Variants in CCDC39 observed in about 807,000 individuals in gnomAD.
CCDC39 encodes the protein coiled-coil domain 39 molecular ruler complex subunit.
CCDC39 carries 113 observed loss-of-function variants against 121.0 expected under a neutral mutation model. That is an observed-to-expected ratio of 0.93 (90% confidence interval 0.80 to 1.09). CCDC39 has a LOEUF of 1.09. Ranked by LOEUF, CCDC39 falls within the 50% of genes least tolerant of loss-of-function variation. The pLI is 0.00. For missense variants in CCDC39, 1,063 were observed against 1,074.7 expected, an observed-to-expected ratio of 0.99 and a Z score of 0.15; for synonymous variants, 349 against 352.2, an observed-to-expected ratio of 0.99 and a Z score of 0.10.
At chr3:180,669,102 T>C (rs1461164423) in intron 1 of CCDC39, among the ~76,000 whole-genome samples, 1 of 152,224 alleles carries the variant, frequency 6.6e-6, no homozygotes, top group African/African-American at 2.4e-5. Flanking sequence ...AATAGACCAT[T>C]CATTAAATAG....
Position 180,644,268 on chromosome 3 carries a change from G to T in CCDC39, c.1528-11C>A. Reference sequence around the variant, plus strand: ...AAAATAAAGATCATTCTGCAAAAAAGAAAAAAGGTATATAAATGTATGTTT... The same window carrying T: ...AAAATAAAGATCATTCTGCAAAAAATAAAAAAGGTATATAAATGTATGTTT... On this transcript the variant is annotated splice_polypyrimidine_tract_variant and intron_variant, in intron 11 of 19. Transcript: ENST00000476379. The T allele has an allele frequency of 6.8e-7, 1 of 1,469,632 alleles. No homozygotes were observed. Among genetic ancestry groups the T allele is most frequent in the Non-Finnish European group, 9.1e-7 (1 of 1,098,070 alleles). The allele number at this position is 1,469,632 out of a possible 1,614,324, so 91.0% of individuals were successfully genotyped here. A position where few individuals can be genotyped will look rare whatever the true frequency, so the allele number is the denominator to read the frequency against.
chr3:180,617,451 G>A, intron 16 of CCDC39: 1 of 687,056 alleles, frequency 1.5e-6, no homozygotes, highest in Non-Finnish European at 2.7e-6. Flanking sequence ...TATTCCAGAA[G>A]AGGGCATTGT....
At chr3:180,667,869 C>A (rs1711927870) in intron 1 of CCDC39, among the ~76,000 whole-genome samples, 1 of 152,122 alleles carries the variant, frequency 6.6e-6, no homozygotes, top group South Asian at 2.1e-4. Context: ...AAGTGCTGCT[C>A]CCTTGAACAC....
intron 1 of CCDC39, among the ~76,000 whole-genome samples, chr3:180,668,552 T>C (rs1397719349): frequency 6.6e-6 from 1 of 152,194 alleles, no homozygotes; most frequent in Non-Finnish European, 1.5e-5. Context: ...CCCTGCCCAC[T>C]TAATTCAATA....
intron 11 of CCDC39, among the ~76,000 whole-genome samples, chr3:180,645,822 G>C (rs1291695257): frequency 6.6e-6 from 1 of 152,056 alleles, no homozygotes; most frequent in Non-Finnish European, 1.5e-5. Flanking sequence ...GTTAAAACCA[G>C]AGTTGGAATG....
rs570924591 is a variant in CCDC39, at chr3:180,679,040, A to T, written c.90+251T>A. Among the ~76,000 whole-genome samples, 1 of 152,278 alleles carries T rather than the reference A, an allele frequency of 6.6e-6. No homozygotes were observed. Among genetic ancestry groups the T allele is most frequent in the South Asian group, 2.1e-4 (1 of 4,824 alleles). ...GAAATAAGTAAGAGGAGTGGGCATG[A>T]GGAAGGGAGTAATAATTCGAGCTTT... On this transcript the variant is annotated intron_variant, in intron 1 of 19. Transcript: ENST00000476379. The surrounding 1 kb of genome is among the most constrained non-coding windows in gnomAD (Gnocchi z 4.0).
chr3:180,667,680 C>A (rs1237554951), intron 1 of CCDC39, among the ~76,000 whole-genome samples: 2 of 152,166 alleles, frequency 1.3e-5, no homozygotes, highest in African/African-American at 4.8e-5. Flanking sequence ...CCTCTCTATT[C>A]CTTGAAACAC....
At chr3:180,671,906 G>C (rs1712058954) in intron 1 of CCDC39, among the ~76,000 whole-genome samples, 1 of 152,186 alleles carries the variant, frequency 6.6e-6, no homozygotes, top group South Asian at 2.1e-4. Context: ...TGATGTAGAG[G>C]CTGCAGCAAG....
chr3:180,628,583 G>T (rs1416374219), intron 14 of CCDC39, among the ~76,000 whole-genome samples: 1 of 152,170 alleles, frequency 6.6e-6, no homozygotes, highest in Non-Finnish European at 1.5e-5. Context: ...CTAATAAAAA[G>T]GGTCAACAAG....
chr3:180,652,405 A>C, intron 7 of CCDC39, 139 bp from the exon 8 acceptor site: 1 of 499,290 alleles, frequency 2.0e-6, no homozygotes, highest in Non-Finnish European at 3.5e-6. Flanking sequence ...TTTTATATTT[A>C]ATATATAAAC....
intron 8 of CCDC39, 75 bp from the exon 9 acceptor site, chr3:180,651,608 CT>C: frequency 7.4e-7 from 1 of 1,353,266 alleles, no homozygotes; most frequent in Non-Finnish European, 9.8e-7. Context: ...ATAGTTTATC[CT>C]AATATTTATT....
intron 14 of CCDC39, among the ~76,000 whole-genome samples, chr3:180,631,226 G>C (rs188752268): frequency 6.6e-6 from 1 of 152,064 alleles, no homozygotes; most frequent in East Asian, 1.9e-4. Flanking sequence ...TCAGAGGGCA[G>C]TGCTTGACCT....
At chr3:180,662,036 CT>C in intron 2 of CCDC39, 29 bp from the exon 3 acceptor site, 1 of 1,510,282 alleles carries the variant, frequency 6.6e-7, no homozygotes, top group South Asian at 1.3e-5. Context: ...GATAAAAAGG[CT>C]TTTAAAATTT....
intron 1 of CCDC39, among the ~76,000 whole-genome samples, chr3:180,674,851 C>T (rs903478950): frequency 6.6e-6 from 1 of 152,146 alleles, no homozygotes; most frequent in African/African-American, 2.4e-5. Flanking sequence ...CGTGGATAAG[C>T]TTTTCGATAT....
At chr3:180,666,602 C>T (rs1286540256) in intron 1 of CCDC39, among the ~76,000 whole-genome samples, 1 of 152,034 alleles carries the variant, frequency 6.6e-6, no homozygotes, top group Non-Finnish European at 1.5e-5. Context: ...ATCAATTATG[C>T]CATTTATAAT....
chr3:180,652,521 A>T (rs1264358993), intron 7 of CCDC39, among the ~76,000 whole-genome samples: 1 of 152,146 alleles, frequency 6.6e-6, no homozygotes, highest in African/African-American at 2.4e-5. Context: ...GAAATGTCTA[A>T]TATCACTAGA....
rs941831779 is a variant in CCDC39 at position 180,679,477 on chromosome 3, C to G, written c.-97G>C. The G allele has an allele frequency of 8.7e-7, 1 of 1,154,174 alleles. No homozygotes were observed. Among genetic ancestry groups the G allele is most frequent in the Admixed American group, 1.7e-5 (1 of 59,248 alleles). The allele number at this position is 1,154,174 out of a possible 1,614,324, so 71.5% of individuals were successfully genotyped here. On this transcript the variant is annotated 5_prime_UTR_variant, in exon 1 of 20. Transcript: ENST00000476379. This position sits in a 1 kb window ranked among gnomAD's most constrained non-coding sequence, Gnocchi z 4.0. ...TCAAGCCCAGGCACCTGCACAGTGC[C>G]GCGGCAATTGCCGGGGGAGCCCTAG...
chr3:180,656,561 G>C (rs1394314678), intron 6 of CCDC39, among the ~76,000 whole-genome samples: 4 of 152,140 alleles, frequency 2.6e-5, no homozygotes. Context: ...TTGAACCATA[G>C]CAACTCCATC....
intron 13 of CCDC39, among the ~76,000 whole-genome samples, chr3:180,640,166 C>T (rs73885307): frequency 0.018 from 2,750 of 152,018 alleles, 112 homozygotes; most frequent in African/African-American, 0.064. Flanking sequence ...CGGTACATTA[C>T]GTATGTCAAA....
Sources: allele counts gnomAD v4.1 joint callset (sites outside exome capture counted in the v4.1 genomes callset), GRCh38; gene constraint gnomAD v4.1.1; non-coding constraint Gnocchi (gnomAD v3.1); transcripts MANE v1.5; gene names NCBI Gene and HGNC (gene_info 2026-07-23, HGNC 2026-07-21).